The following CEP85L variants were observed in gnomAD, a reference collection of about 807,000 sequenced individuals.
CEP85L encodes centrosomal protein 85L, also known as centrosomal protein of 85 kDa-like.
CEP85L carries 60 observed loss-of-function variants against 100.3 expected under a neutral mutation model. The ratio of observed to expected loss-of-function variants is 0.60; its 90% CI spans 0.49 to 0.74. The LOEUF (loss-of-function observed/expected upper bound fraction) is 0.74. Among genes scored for constraint, CEP85L ranks in the 30% least tolerant of loss-of-function variants. The pLI is 0.00. For missense variants in CEP85L, 973 were observed against 936.2 expected, an observed-to-expected ratio of 1.04 and a Z score of -0.51; for synonymous variants, 319 against 322.7, an observed-to-expected ratio of 0.99 and a Z score of 0.12.
At chr6:118,481,479 C>G (rs922901444) in intron 8 of CEP85L, among the ~76,000 whole-genome samples, 2 of 151,856 alleles carry the variant, frequency 1.3e-5, no homozygotes, top group South Asian at 4.2e-4. Context: ...TGTCAAAATC[C>G]AAAACTTTTT....
At chr6:118,609,657 A>G (rs1447177101) in intron 2 of CEP85L, among the ~76,000 whole-genome samples, 1 of 152,214 alleles carries the variant, frequency 6.6e-6, no homozygotes, top group Non-Finnish European at 1.5e-5. Context: ...ATATGGGACC[A>G]TCAAGCAAAA....
intron 1 of CEP85L, among the ~76,000 whole-genome samples, chr6:118,643,737 A>G (rs1337666683): frequency 2.0e-5 from 3 of 152,230 alleles, no homozygotes; most frequent in Non-Finnish European, 2.9e-5. Flanking sequence ...TTCTCAGATC[A>G]GACAGAGGTT....
intron 2 of CEP85L, among the ~76,000 whole-genome samples, chr6:118,627,198 C>CA (rs56203910): frequency 0.012 from 882 of 72,362 alleles, 12 homozygotes; most frequent in African/African-American, 0.016. Flanking sequence ...GACTCCATCT[C>CA]AAAAAAAAAA....
intron 1 of CEP85L, among the ~76,000 whole-genome samples, chr6:118,672,840 AGAG>A (rs924927278): frequency 6.6e-6 from 1 of 151,688 alleles, no homozygotes; most frequent in East Asian, 1.9e-4. Context: ...AGGAGGAGGA[AGAG>A]GAGGAGGAAG....
At chr6:118,562,129 T>A (rs889012157) in intron 3 of CEP85L, among the ~76,000 whole-genome samples, 41 of 152,162 alleles carry the variant, frequency 2.7e-4, no homozygotes, top group African/African-American at 9.7e-4. Flanking sequence ...ATGTGTCATA[T>A]CCTAATATAG....
intron 3 of CEP85L, among the ~76,000 whole-genome samples, chr6:118,536,673 A>G (rs1199435443): frequency 1.3e-5 from 2 of 152,134 alleles, no homozygotes; most frequent in African/African-American, 2.4e-5. Context: ...GCAACTAGCC[A>G]TGAGATAAGA....
chr6:118,672,770 G>A (rs1420106067), intron 1 of CEP85L, among the ~76,000 whole-genome samples: 1 of 142,056 alleles, frequency 7.0e-6, no homozygotes, highest in Non-Finnish European at 1.6e-5. Flanking sequence ...TGTCTCAGAA[G>A]AAGAAAGAAG....
intron 4 of CEP85L, among the ~76,000 whole-genome samples, chr6:118,522,822 T>C (rs1207324713): frequency 6.7e-6 from 1 of 150,180 alleles, no homozygotes; most frequent in Non-Finnish European, 1.5e-5. Flanking sequence ...AAGGTTACAG[T>C]GAGCTGAGAT....
intron 2 of CEP85L, among the ~76,000 whole-genome samples, chr6:118,610,105 CCA>C (rs1772509810): frequency 6.6e-6 from 1 of 151,994 alleles, no homozygotes; most frequent in Admixed American, 6.5e-5. Flanking sequence ...TAAATCATCA[CCA>C]CACATAGAGT....
rs745669726 is a variant in CEP85L, at chr6:118,523,851, A to G, written c.1090T>C (p.Leu364=). 3.1e-6 allele frequency: 5 copies of G among 1,608,538 alleles called. No individual in the cohort carries two copies. Among genetic ancestry groups the G allele is most frequent in the East Asian group, 2.2e-5 (1 of 44,726 alleles). ...CTTAGAAGTCCTTCTTTTATTTTCAACATTGATTCCCACTTACTGAAATCC... is the reference window on the plus strand; with the variant it reads ...CTTAGAAGTCCTTCTTTTATTTTCAGCATTGATTCCCACTTACTGAAATCC... ...YQDFSKWESM[L]KIKEGLLRQK... is the part of the protein sequence containing the mutation. Residue 364 remains leucine, a synonymous_variant, in exon 4 of 13, where the codon TTG becomes CTG. Coordinates refer to ENST00000368491, the MANE Select transcript of CEP85L (RefSeq NM_001042475.3).
At chr6:118,667,260 G>C (rs1776161860) in intron 1 of CEP85L, among the ~76,000 whole-genome samples, 1 of 152,158 alleles carries the variant, frequency 6.6e-6, no homozygotes, top group African/African-American at 2.4e-5. Context: ...ATTAAATTGG[G>C]TCACCATTGC....
At chr6:118,521,543 A>G (rs1166425423) in intron 4 of CEP85L, among the ~76,000 whole-genome samples, 1 of 152,194 alleles carries the variant, frequency 6.6e-6, no homozygotes, top group Non-Finnish European at 1.5e-5. Flanking sequence ...GCCTCCTGTC[A>G]ACGTGATTTT....
chr6:118,470,272 T>G (rs4502975), intron 11 of CEP85L, among the ~76,000 whole-genome samples: 107,470 of 151,696 alleles, frequency 0.71, 38,776 homozygotes, highest in Middle Eastern at 0.75. Context: ...CTGGGGTGAT[T>G]GGAAAAAAAC....
chr6:118,677,035 T>G (rs1267500091), intron 1 of CEP85L, among the ~76,000 whole-genome samples: 1 of 152,192 alleles, frequency 6.6e-6, no homozygotes, highest in East Asian at 1.9e-4. Flanking sequence ...CCTAGAAAAT[T>G]ATGGAGTCTA....
chr6:118,590,255 T>A (rs1781109422), intron 2 of CEP85L, among the ~76,000 whole-genome samples: 1 of 152,062 alleles, frequency 6.6e-6, no homozygotes, highest in Non-Finnish European at 1.5e-5. Flanking sequence ...AAAAAACAGA[T>A]AGGACAAGGG....
At chr6:118,601,227 A>C (rs1781771887) in intron 2 of CEP85L, among the ~76,000 whole-genome samples, 1 of 152,214 alleles carries the variant, frequency 6.6e-6, no homozygotes, top group Non-Finnish European at 1.5e-5. Flanking sequence ...AAGTGCCTAA[A>C]ACATAGTAAC....
intron 3 of CEP85L, among the ~76,000 whole-genome samples, chr6:118,539,436 G>A (rs1442603724): frequency 6.6e-6 from 1 of 152,100 alleles, no homozygotes; most frequent in Non-Finnish European, 1.5e-5. Context: ...TACACTCTAC[G>A]ATGTTTACAC....
In CEP85L at chr6:118,491,835, G is replaced by A. The variant is rs756096102; in HGVS notation, c.1288C>T (p.Pro430Ser). 9 of 1,611,344 alleles carry A rather than the reference G, an allele frequency of 5.6e-6. No homozygotes were observed. The African/African-American group carries it at 1.2e-4, about 22-fold the overall frequency. ...PQYENTSLQT[P>S]FSEESVSHSQ... ...TGGGAAACTGATTCCTCTGAAAATG[G>A]TGTCTGGAGTGAAGTGTTCTCATAT... The change falls in exon 6 of 13, where the codon CCA becomes TCA. Residue 430 changes from proline (P) to serine (S), a missense_variant. Physicochemically the swap from Pro to Ser is moderately conservative, Grantham distance 74. This residue lies in a region of CEP85L where 890 missense variants were observed against 844.5 expected (regional missense o/e 1.05). Transcript: ENST00000368491.
At chr6:118,690,065 T>G (rs1007707697) in intron 1 of CEP85L, among the ~76,000 whole-genome samples, 5 of 152,134 alleles carry the variant, frequency 3.3e-5, no homozygotes, top group Middle Eastern at 3.2e-3. Context: ...GATTCCTTCC[T>G]TCTGAGTAGC....
Sources: gnomAD v4.1 joint callset for allele counts (sites outside exome capture counted in the v4.1 genomes callset) on GRCh38, gnomAD v4.1.1 for gene constraint, gnomAD v4.1.1 regional missense constraint, MANE v1.5 for transcripts, NCBI Gene and HGNC (gene_info 2026-07-23, HGNC 2026-07-21) for gene names.